The following PPP1R9A variants were observed in gnomAD, a reference collection of about 807,000 sequenced individuals.
PPP1R9A encodes protein phosphatase 1 regulatory subunit 9A.
PPP1R9A carries 59 observed loss-of-function variants against 141.9 expected under a neutral mutation model. That is an observed-to-expected ratio of 0.42 (90% CI 0.34 to 0.52). The LOEUF (loss-of-function observed/expected upper bound fraction) is 0.52. Ranked by LOEUF, PPP1R9A falls within the 20% of genes least tolerant of loss-of-function variation. The probability of loss-of-function intolerance (pLI) is 0.10; values close to 1 mark genes in which losing one functional copy is unlikely to be tolerated. For missense variants in PPP1R9A, 1,444 were observed against 1,611.9 expected, an observed-to-expected ratio of 0.90 and a Z score of 1.78; for synonymous variants, 500 against 569.7, an observed-to-expected ratio of 0.88 and a Z score of 1.74.
At chr7:95,249,776 G>T (rs12704791) in intron 9 of PPP1R9A, among the ~76,000 whole-genome samples, 1 of 151,974 alleles carries the variant, frequency 6.6e-6, no homozygotes, top group African/African-American at 2.4e-5. Flanking sequence ...TGGAAATATC[G>T]TGTGAGGTGG....
At chr7:95,060,048 A>G (rs1378687222) in intron 2 of PPP1R9A, among the ~76,000 whole-genome samples, 1 of 152,184 alleles carries the variant, frequency 6.6e-6, no homozygotes, top group Admixed American at 6.5e-5. Context: ...ACTCCTGGAA[A>G]TAGACTGGTG....
At chr7:95,122,637 G>T (rs1471090320) in intron 4 of PPP1R9A, among the ~76,000 whole-genome samples, 1 of 152,082 alleles carries the variant, frequency 6.6e-6, no homozygotes, top group East Asian at 1.9e-4. Context: ...GCATAGAGAA[G>T]GTTTGAAATA....
chr7:95,027,576 T>C (rs1807053937), intron 2 of PPP1R9A, among the ~76,000 whole-genome samples: 1 of 152,230 alleles, frequency 6.6e-6, no homozygotes, highest in Non-Finnish European at 1.5e-5. Flanking sequence ...TTTATAGTCA[T>C]GTGTCACTTA....
chr7:94,961,254 A>T (rs987074497), intron 2 of PPP1R9A, among the ~76,000 whole-genome samples: 7 of 151,540 alleles, frequency 4.6e-5, no homozygotes, highest in African/African-American at 1.7e-4. Context: ...AACCTTAATG[A>T]GGGGTGGTTT....
At chr7:95,088,270 G>C (rs1816895959) in intron 2 of PPP1R9A, among the ~76,000 whole-genome samples, 1 of 151,974 alleles carries the variant, frequency 6.6e-6, no homozygotes, top group Admixed American at 6.5e-5. Flanking sequence ...CCTGGGAGAA[G>C]AGGAAAGAAA....
At chr7:95,196,666 C>A (rs1243580818) in intron 5 of PPP1R9A, among the ~76,000 whole-genome samples, 1 of 152,054 alleles carries the variant, frequency 6.6e-6, no homozygotes, top group East Asian at 1.9e-4. Context: ...CATGGATAAA[C>A]CTCCAAATCA....
intron 4 of PPP1R9A, among the ~76,000 whole-genome samples, chr7:95,136,975 G>C (rs941539898): frequency 6.6e-6 from 1 of 152,138 alleles, no homozygotes; most frequent in Non-Finnish European, 1.5e-5. Flanking sequence ...GGATAGGCAG[G>C]TGACTTCAAA....
At position 95,247,587 on chromosome 7, in the gene PPP1R9A, T is replaced by A. The variant is rs1798287912; in HGVS notation, c.2166+61T>A. 7 of 1,349,358 alleles carry A rather than the reference T, an allele frequency of 5.2e-6. No homozygotes were observed. In the Admixed American group the frequency reaches 1.3e-4, roughly 25 times the overall value. The allele number at this position is 1,349,358 out of a possible 1,614,324, so 83.6% of individuals were successfully genotyped here. A position where few individuals can be genotyped will look rare whatever the true frequency, so the allele number is the denominator to read the frequency against. On this transcript the variant is annotated intron_variant, in intron 9 of 19. Transcript: ENST00000433360. ...TTAAACTTCAGATACTATGAATAAA[T>A]CCAATCCTAGGACTAAAGGTTTTGT...
chr7:95,183,866 T>C (rs1834243461), intron 5 of PPP1R9A, among the ~76,000 whole-genome samples: 1 of 151,794 alleles, frequency 6.6e-6, no homozygotes, highest in South Asian at 2.1e-4. Context: ...TTTTTTATTT[T>C]ATTCTATTTT....
At chr7:95,233,515 T>TA (rs893846423) in intron 8 of PPP1R9A, among the ~76,000 whole-genome samples, 11 of 151,380 alleles carry the variant, frequency 7.3e-5, no homozygotes, top group East Asian at 1.9e-4. Flanking sequence ...TAAAGTATAA[T>TA]AAAAAAAAGA....
chr7:95,173,496 A>G (rs1051681022), intron 5 of PPP1R9A, among the ~76,000 whole-genome samples: 2 of 152,022 alleles, frequency 1.3e-5, no homozygotes, highest in Non-Finnish European at 2.9e-5. Flanking sequence ...AAAAAGTGTA[A>G]GAGGAAATAA....
intron 2 of PPP1R9A, among the ~76,000 whole-genome samples, chr7:94,971,330 G>A (rs1415248719): frequency 2.6e-5 from 4 of 152,162 alleles, no homozygotes; most frequent in African/African-American, 7.2e-5. Context: ...TATGACAAAA[G>A]CTACTTGGTA....
intron 5 of PPP1R9A, among the ~76,000 whole-genome samples, chr7:95,168,584 A>G (rs150116515): frequency 0.016 from 2,375 of 152,120 alleles, 51 homozygotes; most frequent in African/African-American, 0.054. Context: ...AGCAAAGGAA[A>G]CAACAGAGTG....
chr7:95,194,186 T>C (rs1835904443), intron 5 of PPP1R9A, among the ~76,000 whole-genome samples: 1 of 152,062 alleles, frequency 6.6e-6, no homozygotes, highest in African/African-American at 2.4e-5. Flanking sequence ...CTGAATTGCT[T>C]TGTATTTGTA....
rs1222248144 is a variant in PPP1R9A, at chr7:95,019,735, G to A, written c.1396-91524G>A. 6.6e-5 allele frequency among the ~76,000 whole-genome samples: 10 copies of A among 152,128 alleles called. No homozygotes were observed. In the East Asian group the frequency reaches 1.9e-3, roughly 29 times the overall value. ...CTACATCCATTAGGATGGCAAGCATGTGGAACAACTGGAAATTATATATAT... is the reference window on the plus strand; with the variant it reads ...CTACATCCATTAGGATGGCAAGCATATGGAACAACTGGAAATTATATATAT... On this transcript the variant is annotated intron_variant, in intron 2 of 19. Transcript: ENST00000433360.
rs1001214895 is a variant in PPP1R9A at position 95,292,302 on chromosome 7, A to G, written c.*1999A>G. On this transcript the variant is annotated 3_prime_UTR_variant, in exon 20 of 20. Coordinates refer to ENST00000433360, the MANE Select transcript of PPP1R9A (RefSeq NM_001166160.2). ...GGCAAAACTTTTCAAATACTAAAAC[A>G]CTAAATTAGTAAAAATCTGGTAATA... is the stretch of plus-strand genomic sequence containing the variant. 2 of 152,624 alleles carry G rather than the reference A, an allele frequency of 1.3e-5. No homozygotes were observed. Among genetic ancestry groups the G allele is most frequent in the African/African-American group, 4.8e-5 (2 of 41,454 alleles). The allele number at this position is 152,624 out of a possible 1,614,324, so 9.5% of individuals were successfully genotyped here.
At chr7:95,272,982 G>A (rs1195169467) in intron 14 of PPP1R9A, among the ~76,000 whole-genome samples, 1 of 152,190 alleles carries the variant, frequency 6.6e-6, no homozygotes, top group Non-Finnish European at 1.5e-5. Context: ...TGGATATGCT[G>A]AAACGTGATG....
Position 95,261,493 on chromosome 7 carries a change from TGTTGCTTGTGA to T in PPP1R9A, c.2666-7053_2666-7043del, listed in dbSNP as rs1353903931. On this transcript the variant is annotated intron_variant, in intron 12 of 19. Coordinates refer to ENST00000433360, the MANE Select transcript of PPP1R9A (RefSeq NM_001166160.2). ...AGAACATAGGTATACCAAAAAACAC[TGTTGCTTGTGA>T]GTTTTTGATGACACTAAGGGTTTTT... Among the ~76,000 whole-genome samples, 280 of 152,218 alleles carry T rather than the reference TGTTGCTTGTGA, an allele frequency of 1.8e-3. 1 individual carries two copies. Among genetic ancestry groups the T allele is most frequent in the African/African-American group, 6.5e-3 (270 of 41,550 alleles).
intron 2 of PPP1R9A, among the ~76,000 whole-genome samples, chr7:94,998,525 T>G (rs537222370): frequency 6.6e-6 from 1 of 152,306 alleles, no homozygotes; most frequent in South Asian, 2.1e-4. Context: ...AAGGTCTCTT[T>G]GATTTTGAGC....
Sources: gnomAD v4.1 joint callset for allele counts (sites outside exome capture counted in the v4.1 genomes callset) on GRCh38, gnomAD v4.1.1 for gene constraint, MANE v1.5 for transcripts, NCBI Gene and HGNC (gene_info 2026-07-23, HGNC 2026-07-21) for gene names.